Variants in PACRG observed in about 807,000 individuals in gnomAD.
PACRG encodes parkin coregulated, also known as parkin coregulated gene protein.
PACRG carries 29 observed loss-of-function variants against 29.7 expected under a neutral mutation model. The ratio of observed to expected loss-of-function variants is 0.98; its 90% CI spans 0.73 to 1.33. The LOEUF (loss-of-function observed/expected upper bound fraction) is 1.33. PACRG is among the 40% of genes most tolerant of loss of function. PACRG has a pLI of 0.00. For synonymous variants in PACRG, 116 were observed against 118.7 expected, an observed-to-expected ratio of 0.98 and a Z score of 0.15; for missense variants, 279 against 316.2, an observed-to-expected ratio of 0.88 and a Z score of 0.89.
chr6:162,859,625 G>A (rs955303534), intron 2 of PACRG, among the ~76,000 whole-genome samples: 1 of 152,022 alleles, frequency 6.6e-6, no homozygotes, highest in Admixed American at 6.6e-5. Flanking sequence ...ACCTAGAAAG[G>A]CCACTTTCTG....
intron 4 of PACRG, among the ~76,000 whole-genome samples, chr6:163,097,021 C>T (rs898658937): frequency 2.6e-5 from 4 of 152,312 alleles, no homozygotes; most frequent in Non-Finnish European, 5.9e-5. Flanking sequence ...TCCCTTCCCC[C>T]GAAGACAGTT....
At chr6:162,748,341 A>C (rs2128276184) in intron 1 of PACRG, among the ~76,000 whole-genome samples, 1 of 152,200 alleles carries the variant, frequency 6.6e-6, no homozygotes, top group South Asian at 2.1e-4. Context: ...AAATACAAAA[A>C]AATTAGCCAG....
At chr6:163,269,435 C>T (rs998988562) in intron 4 of PACRG, among the ~76,000 whole-genome samples, 2 of 152,324 alleles carry the variant, frequency 1.3e-5, no homozygotes, top group South Asian at 2.1e-4. Context: ...ATAGCCCCTA[C>T]ATCATGCCAC....
At chr6:162,925,317 G>A (rs749987120) in intron 2 of PACRG, among the ~76,000 whole-genome samples, 19 of 152,058 alleles carry the variant, frequency 1.2e-4, no homozygotes, top group Admixed American at 4.6e-4. Context: ...CATTTTATGA[G>A]GCCAGTATCA....
chr6:163,119,201 G>T (rs1484158119), intron 4 of PACRG, among the ~76,000 whole-genome samples: 1 of 152,226 alleles, frequency 6.6e-6, no homozygotes, highest in Non-Finnish European at 1.5e-5. Context: ...GCAGATTCCT[G>T]CTCTACAGCT....
At chr6:163,275,454 A>G (rs531962474) in intron 4 of PACRG, among the ~76,000 whole-genome samples, 4 of 152,244 alleles carry the variant, frequency 2.6e-5, no homozygotes, top group African/African-American at 9.6e-5. Flanking sequence ...ATTGTCCTCT[A>G]GTCATTTTCT....
chr6:163,172,544 T>G (rs1779137949), intron 4 of PACRG, among the ~76,000 whole-genome samples: 4 of 152,040 alleles, frequency 2.6e-5, no homozygotes, highest in Admixed American at 2.6e-4. Flanking sequence ...AGTAAACACT[T>G]TTGTGGATTT....
At chr6:162,760,768 G>A (rs970587660) in intron 1 of PACRG, among the ~76,000 whole-genome samples, 5 of 152,120 alleles carry the variant, frequency 3.3e-5, no homozygotes, top group African/African-American at 1.2e-4. Flanking sequence ...ACGGGCCGTT[G>A]AAGGATTTTA....
intron 2 of PACRG, among the ~76,000 whole-genome samples, chr6:162,887,903 A>G (rs903762620): frequency 1.3e-5 from 2 of 152,192 alleles, no homozygotes; most frequent in Admixed American, 6.5e-5. Flanking sequence ...TTGTGCTGCT[A>G]TAACAAAATA....
intron 4 of PACRG, among the ~76,000 whole-genome samples, chr6:163,298,454 C>G (rs1351679543): frequency 6.6e-6 from 1 of 152,184 alleles, no homozygotes; most frequent in East Asian, 1.9e-4. Flanking sequence ...ATACACTGGC[C>G]TAACCTTTCT....
chr6:163,294,685 C>T (rs1444247174), intron 4 of PACRG, among the ~76,000 whole-genome samples: 4 of 151,998 alleles, frequency 2.6e-5, no homozygotes, highest in Admixed American at 6.6e-5. Context: ...TTGTTAATTG[C>T]TTAATGAATA....
At chr6:162,736,123 C>G (rs918059503) in intron 1 of PACRG, among the ~76,000 whole-genome samples, 2 of 152,206 alleles carry the variant, frequency 1.3e-5, no homozygotes, top group African/African-American at 4.8e-5. Context: ...CTGAAGCTTT[C>G]TCTACACTGA....
At chr6:162,923,923 A>G (rs978394787) in intron 2 of PACRG, among the ~76,000 whole-genome samples, 1 of 152,038 alleles carries the variant, frequency 6.6e-6, no homozygotes, top group African/African-American at 2.4e-5. Flanking sequence ...GAAGAATGCC[A>G]TTGGTATTTT....
chr6:163,300,474 C>T (rs1357410822), intron 4 of PACRG, among the ~76,000 whole-genome samples: 3 of 152,182 alleles, frequency 2.0e-5, no homozygotes, highest in Middle Eastern at 3.2e-3. Context: ...CTCCTCGAAG[C>T]CTCCGCCCTC....
chr6:163,173,116 C>T (rs1046561250), intron 4 of PACRG, among the ~76,000 whole-genome samples: 14 of 152,126 alleles, frequency 9.2e-5, no homozygotes, highest in South Asian at 4.1e-4. Context: ...AATACACACA[C>T]GTTAGGAAAT....
At chr6:162,779,397 G>T (rs535965973) in intron 1 of PACRG, among the ~76,000 whole-genome samples, 1 of 152,222 alleles carries the variant, frequency 6.6e-6, no homozygotes, top group African/African-American at 2.4e-5. Flanking sequence ...GGTTGACCTG[G>T]TTACAAGAAA....
chr6:163,004,020 A>G (rs1469863309), intron 2 of PACRG, among the ~76,000 whole-genome samples: 1 of 152,150 alleles, frequency 6.6e-6, no homozygotes, highest in Non-Finnish European at 1.5e-5. Flanking sequence ...GCTTAAAAAG[A>G]TAATGACCAT....
At chr6:163,006,135 ATAT>A (rs888784427) in intron 2 of PACRG, among the ~76,000 whole-genome samples, 2 of 143,560 alleles carry the variant, frequency 1.4e-5, no homozygotes, top group East Asian at 2.0e-4. Flanking sequence ...TATATATTAT[ATAT>A]TATTATATAT....
chr6:163,185,315 CA>C (rs1214160118), intron 4 of PACRG, among the ~76,000 whole-genome samples: 2 of 152,112 alleles, frequency 1.3e-5, no homozygotes, highest in Non-Finnish European at 2.9e-5. Flanking sequence ...AAAGAAAGAT[CA>C]GGGGACATTG....
Sources: allele counts gnomAD v4.1 joint callset (sites outside exome capture counted in the v4.1 genomes callset), GRCh38; gene constraint gnomAD v4.1.1; transcripts MANE v1.5; gene names NCBI Gene and HGNC (gene_info 2026-07-23, HGNC 2026-07-21).